Variants in ALKAL2 observed in about 807,000 individuals in gnomAD.
ALKAL2 encodes AUG-alpha.
ALKAL2 carries 8 observed loss-of-function variants against 18.5 expected under a neutral mutation model. That is an observed-to-expected ratio of 0.43 (90% CI 0.25 to 0.78). The LOEUF is 0.78. ALKAL2 is among the 30% of genes least tolerant of loss of function. ALKAL2 has a pLI of 0.22. For missense variants in ALKAL2, 241 were observed against 211.2 expected, an observed-to-expected ratio of 1.14 and a Z score of -0.88; for synonymous variants, 135 against 95.8, an observed-to-expected ratio of 1.41 and a Z score of -2.39.
Position 287,774 on chromosome 2 carries a change from C to T in ALKAL2, c.62G>A (p.Arg21His). 1.4e-6 allele frequency: 2 copies of T among 1,407,578 alleles called. No homozygotes were observed. The allele number at this position is 1,407,578 out of a possible 1,614,324, so 87.2% of individuals were successfully genotyped here. The change falls in exon 2 of 6, where the codon CGC (arginine) becomes CAC (histidine). Residue 21 changes from arginine (R) to histidine (H), a missense_variant. Physicochemically the swap from Arg to His is conservative, Grantham distance 29. Coordinates refer to ENST00000403610, the MANE Select transcript of ALKAL2 (RefSeq NM_001002919.3). ...CCGGGGCTCCGCGCCCCCCCGGCCG[C>T]GCCCCGCCGCCCCCAGCACCAGCAG... Reference protein sequence around the residue: ...GLLLVLGAAGRGRGGAEPREP... With the variant: ...GLLLVLGAAGHGRGGAEPREP...
rs1374272434 is a variant in ALKAL2 at position 287,665 on chromosome 2, C to T, written c.171G>A (p.Lys57=). The T allele has an allele frequency of 4.0e-6, 6 of 1,484,926 alleles. No individual in the cohort carries two copies. Among genetic ancestry groups the T allele is most frequent in the East Asian group, 2.9e-5 (1 of 34,290 alleles). The allele number at this position is 1,484,926 out of a possible 1,614,324, so 92.0% of individuals were successfully genotyped here. A position where few individuals can be genotyped will look rare whatever the true frequency, so the allele number is the denominator to read the frequency against. ...AGTCCCGCCCGAGGAGCTGCAGGCC[C>T]TTGTGCTCCGCCGAGTGGTGCTTCC... ...ELRKHHSAEH[K]GLQLLGRDCA... The change falls in exon 2 of 6, where the codon AAG becomes AAA. Residue 57 remains lysine (K), a synonymous_variant. Coordinates refer to ENST00000403610, the MANE Select transcript of ALKAL2 (RefSeq NM_001002919.3).
rs1023015765 is a variant in ALKAL2 at position 287,869 on chromosome 2, G to C, written c.-34C>G. On this transcript the variant is annotated 5_prime_UTR_variant, in exon 2 of 6. Transcript: ENST00000403610. ...CGGGGCCGCGGGGCTGGGAGACTCC[G>C]ACACGCGCCGAGAGCTGGGCTCGCT... The C allele has an allele frequency of 5.2e-5, 66 of 1,261,142 alleles. No individual in the cohort carries two copies. The African/African-American group carries it at 9.2e-4, about 18-fold the overall frequency. The allele number at this position is 1,261,142 out of a possible 1,614,324, so 78.1% of individuals were successfully genotyped here.
intron 2 of ALKAL2, 68 bp from the exon 3 acceptor site, chr2:286,411 G>GA (rs1558269608): frequency 8.0e-7 from 1 of 1,245,248 alleles, no homozygotes; most frequent in Admixed American, 2.1e-5. Context: ...GATCTTAAGT[G>GA]AATGTTGAAG....
rs369385747 is a variant in ALKAL2, at chr2:283,405, G to T, written c.389-230C>A. On this transcript the variant is annotated intron_variant, in intron 4 of 5. Coordinates refer to ENST00000403610, the MANE Select transcript of ALKAL2 (RefSeq NM_001002919.3). ...GCAGAAGTCGGATGATGTAAGTGGG[G>T]CAGCGGAGGGAAGAGGGACAGACAC... 144 of 985,306 alleles carry T rather than the reference G, an allele frequency of 1.5e-4. No individual in the cohort carries two copies. In the African/African-American group the frequency reaches 2.4e-3, roughly 16 times the overall value. 61.0% of individuals were successfully genotyped at this position (985,306 alleles called of 1,614,324 possible).
chr2:282,967 G>A, intron 5 of ALKAL2, 144 bp downstream of exon 5: 2 of 880,822 alleles, frequency 2.3e-6, no homozygotes, highest in South Asian at 1.8e-5. Flanking sequence ...TCAGCACTGT[G>A]AGATGAGTGT....
At chr2:287,488 T>G (rs2103086514) in intron 2 of ALKAL2, 95 bp downstream of exon 2, 5 of 780,478 alleles carry the variant, frequency 6.4e-6, no homozygotes, top group Non-Finnish European at 8.9e-6. Context: ...TGCTGTTCAG[T>G]GGTCAAAATT....
In ALKAL2 at chr2:287,660, A is replaced by C; in HGVS notation, c.176T>G (p.Leu59Arg). 6.7e-7 allele frequency: 1 copy of C among 1,484,450 alleles called. No individual in the cohort carries two copies. The highest frequency in any genetic ancestry group is 8.9e-7 in the Non-Finnish European group (1 of 1,123,744). 92.0% of individuals were successfully genotyped at this position (1,484,450 alleles called of 1,614,324 possible). ...GGCGCAGTCCCGCCCGAGGAGCTGCAGGCCCTTGTGCTCCGCCGAGTGGTG... is the reference window on the plus strand; with the variant it reads ...GGCGCAGTCCCGCCCGAGGAGCTGCCGGCCCTTGTGCTCCGCCGAGTGGTG... ...RKHHSAEHKG[L>R]QLLGRDCALG... Residue 59 changes from leucine (L) to arginine (R), a missense_variant, in exon 2 of 6, where the codon CTG (leucine) becomes CGG (arginine). Coordinates refer to ENST00000403610, the MANE Select transcript of ALKAL2 (RefSeq NM_001002919.3).
Position 287,827 on chromosome 2 carries a change from T to C in ALKAL2, c.9A>G (p.Gly3=), listed in dbSNP as rs1054446233. The change falls in exon 2 of 6, where the codon GGA becomes GGG. Residue 3 remains glycine, a synonymous_variant. Transcript: ENST00000403610. MR[G]PGHPLLLGLL... ...GCCCCAGGAGGAGGGGGTGCCCGGG[T>C]CCGCGCATCGTGCGCTCGGGGCCGC... 121 of 1,283,392 alleles carry C rather than the reference T, an allele frequency of 9.4e-5. No individual in the cohort carries two copies. In the African/African-American group the frequency reaches 1.6e-3, roughly 17 times the overall value. The allele number at this position is 1,283,392 out of a possible 1,614,324, so 79.5% of individuals were successfully genotyped here.
At chr2:283,466 C>A (rs1558268271) in intron 4 of ALKAL2, 3 of 985,314 alleles carry the variant, frequency 3.0e-6, no homozygotes, top group Non-Finnish European at 3.6e-6. Context: ...CCCATTGCTT[C>A]TCTCAGAAAT....
intron 4 of ALKAL2, among the ~76,000 whole-genome samples, chr2:284,052 C>T (rs1425847703): frequency 6.6e-6 from 1 of 152,180 alleles, no homozygotes; most frequent in Non-Finnish European, 1.5e-5. Flanking sequence ...CAAACAGTGG[C>T]ACTGGGTCAT....
chr2:283,406 C>A (rs1670414443), intron 4 of ALKAL2: 1 of 985,392 alleles, frequency 1.0e-6, no homozygotes, highest in South Asian at 4.7e-5. Context: ...GTAAGTGGGG[C>A]AGCGGAGGGA....
At chr2:281,080 T>C (rs1670325210) in intron 5 of ALKAL2, among the ~76,000 whole-genome samples, 1 of 152,234 alleles carries the variant, frequency 6.6e-6, no homozygotes, top group African/African-American at 2.4e-5. Flanking sequence ...CACTGAGGTC[T>C]GCAAAGCACA....
chr2:287,007 A>G (rs1465716208), intron 2 of ALKAL2: 7 of 152,222 alleles, frequency 4.6e-5, no homozygotes, highest in Non-Finnish European at 5.9e-5. Context: ...GCGTATTTAC[A>G]GCCCTCTCCA....
intron 5 of ALKAL2, among the ~76,000 whole-genome samples, chr2:281,160 A>G (rs1380297729): frequency 6.6e-6 from 1 of 152,246 alleles, no homozygotes; most frequent in Non-Finnish European, 1.5e-5. Context: ...CTGTTTAACA[A>G]TTTGTTAACA....
chr2:283,041 G>C, intron 5 of ALKAL2, 70 bp downstream of exon 5: 1 of 1,466,372 alleles, frequency 6.8e-7, no homozygotes, highest in Non-Finnish European at 9.3e-7. Context: ...AAACTCCCAT[G>C]AATTTTTCAT....
At chr2:283,434 G>A in intron 4 of ALKAL2, 1 of 985,374 alleles carries the variant, frequency 1.0e-6, no homozygotes, top group South Asian at 4.7e-5. Context: ...CAGACACGAA[G>A]GCTGCATGGC....
chr2:281,988 C>T (rs1202081925), intron 5 of ALKAL2, among the ~76,000 whole-genome samples: 1 of 152,160 alleles, frequency 6.6e-6, no homozygotes, highest in Non-Finnish European at 1.5e-5. Context: ...GACATTGACA[C>T]CTTCACTATC....
chr2:283,205 A>G, intron 4 of ALKAL2, 30 bp from the exon 5 acceptor site: 1 of 1,578,098 alleles, frequency 6.3e-7, no homozygotes, highest in Non-Finnish European at 8.6e-7. Flanking sequence ...GACTCTTGTC[A>G]GTTACTTAAA....
At chr2:282,788 G>T (rs779139863) in intron 5 of ALKAL2, among the ~76,000 whole-genome samples, 3 of 152,200 alleles carry the variant, frequency 2.0e-5, no homozygotes, top group Non-Finnish European at 2.9e-5. Flanking sequence ...TGAATGCCTC[G>T]AAGTAAACGG....
Sources: gnomAD v4.1 joint callset for allele counts (sites outside exome capture counted in the v4.1 genomes callset) on GRCh38, gnomAD v4.1.1 for gene constraint, MANE v1.5 for transcripts, NCBI Gene and HGNC (gene_info 2026-07-23, HGNC 2026-07-21) for gene names.